Variants in ROBO2 observed in about 807,000 individuals in gnomAD.
ROBO2 encodes the protein roundabout homolog 2.
A neutral mutation model predicts 160.8 loss-of-function variants in ROBO2; 53 were observed. That is an observed-to-expected ratio of 0.33 (90% CI 0.26 to 0.41). The LOEUF is 0.41. Ranked by LOEUF, ROBO2 falls within the 10% of genes least tolerant of loss-of-function variation. The pLI, the probability that ROBO2 is intolerant of heterozygous loss-of-function variation, is 1.00. For synonymous variants in ROBO2, 664 were observed against 611.7 expected (o/e 1.09, Z -1.26); for missense variants, 1,577 against 1,722.4 (o/e 0.92, Z 1.49).
chr3:77,314,751 T>A (rs1011585462), intron 2 of ROBO2, among the ~76,000 whole-genome samples: 4 of 152,168 alleles, frequency 2.6e-5, no homozygotes, highest in African/African-American at 9.7e-5. Flanking sequence ...ATCAAGCCAT[T>A]GAGGATGGGA....
At chr3:76,563,646 C>T (rs2084336611) in intron 2 of ROBO2, among the ~76,000 whole-genome samples, 1 of 151,972 alleles carries the variant, frequency 6.6e-6, no homozygotes, top group African/African-American at 2.4e-5. Flanking sequence ...TGTAATGTGC[C>T]TGCATCAATT....
At chr3:76,351,614 C>G (rs1442470021) in intron 2 of ROBO2, among the ~76,000 whole-genome samples, 3 of 151,990 alleles carry the variant, frequency 2.0e-5, no homozygotes, top group Admixed American at 6.6e-5. Flanking sequence ...AGTGTTTCAA[C>G]TGAGAACATC....
chr3:77,104,762 C>T (rs908593849), intron 2 of ROBO2, among the ~76,000 whole-genome samples: 1 of 152,096 alleles, frequency 6.6e-6, no homozygotes, highest in Non-Finnish European at 1.5e-5. Flanking sequence ...ACTGTTTTAT[C>T]CATATTATTA....
intron 2 of ROBO2, among the ~76,000 whole-genome samples, chr3:77,123,586 C>T (rs2074993229): frequency 6.6e-6 from 1 of 151,804 alleles, no homozygotes; most frequent in South Asian, 2.1e-4. Context: ...TGCTTGCACA[C>T]TAATTTGAAA....
At position 77,152,104 on chromosome 3, in the gene ROBO2, C is replaced by T. The variant is rs968693907; in HGVS notation, c.388+53764C>T. Among the ~76,000 whole-genome samples the T allele has an allele frequency of 3.3e-5, 5 of 152,248 alleles. No individual in the cohort carries two copies. The South Asian group carries it at 1.0e-3, about 31-fold the overall frequency. ...CTCAATGTATTCATTCAGCAGAGTA[C>T]ATTTATGCTACAACTATGGACTACC... On this transcript the variant is annotated intron_variant, in intron 2 of 25. Transcript: ENST00000461745.
intron 2 of ROBO2, among the ~76,000 whole-genome samples, chr3:76,872,028 T>A (rs1176047726): frequency 1.3e-5 from 2 of 152,194 alleles, no homozygotes; most frequent in African/African-American, 4.8e-5. Flanking sequence ...ACCTGGAGAT[T>A]TGTCATAAAT....
At chr3:76,779,143 C>A (rs1363500471) in intron 2 of ROBO2, among the ~76,000 whole-genome samples, 1 of 150,998 alleles carries the variant, frequency 6.6e-6, no homozygotes, top group Non-Finnish European at 1.5e-5. Flanking sequence ...TCTTCATTGG[C>A]ACATATTATT....
intron 2 of ROBO2, among the ~76,000 whole-genome samples, chr3:76,488,157 G>A (rs141773370): frequency 5.7e-4 from 87 of 152,214 alleles, no homozygotes; most frequent in African/African-American, 1.9e-3. Context: ...CAAATGACCC[G>A]AATTAGCAGC....
intron 2 of ROBO2, among the ~76,000 whole-genome samples, chr3:76,517,344 A>G (rs982877614): frequency 1.3e-5 from 2 of 150,328 alleles, no homozygotes; most frequent in Non-Finnish European, 3.0e-5. Flanking sequence ...TTAGAGTGAC[A>G]ATTTGTTAAG....
chr3:76,227,131 G>A (rs1575988042), intron 2 of ROBO2, among the ~76,000 whole-genome samples: 1 of 152,326 alleles, frequency 6.6e-6, no homozygotes, highest in African/African-American at 2.4e-5. Context: ...TTCATAAAAT[G>A]TGGTAATTCC....
intron 2 of ROBO2, among the ~76,000 whole-genome samples, chr3:76,038,767 CGTGT>C (rs66489028): frequency 0.54 from 79,722 of 148,186 alleles, 21,511 homozygotes; most frequent in South Asian, 0.67. Context: ...TGGAAAACTG[CGTGT>C]GTGTGTGTGT....
chr3:76,256,341 C>CA lies in ROBO2; in HGVS notation c.109+318739_109+318740insA, dbSNP rs1214774626. 5.2e-3 allele frequency among the ~76,000 whole-genome samples: 487 copies of CA among 94,016 alleles called. 1 individual carries two copies. The highest frequency in any genetic ancestry group is 0.01 in the African/African-American group (311 of 29,970). The allele number at this position is 94,016 out of a possible 152,430, so 61.7% of individuals were successfully genotyped here. A position where few individuals can be genotyped will look rare whatever the true frequency, so the allele number is the denominator to read the frequency against. On this transcript the variant is annotated intron_variant, in intron 2 of 26. Coordinates refer to the ROBO2 transcript ENST00000487694. Reference sequence around the variant, plus strand: ...TCTCTCTCTCTCTCTCTCTCTCTCTCTCTCTCTCTCTCACATACACACACA... The same window carrying CA: ...TCTCTCTCTCTCTCTCTCTCTCTCTCATCTCTCTCTCTCACATACACACACA...
chr3:76,690,132 C>T (rs1451053612), intron 2 of ROBO2, among the ~76,000 whole-genome samples: 1 of 152,020 alleles, frequency 6.6e-6, no homozygotes, highest in Admixed American at 6.6e-5. Context: ...AGTATGGAAA[C>T]ATTTTCTAAT....
In ROBO2 at chr3:76,868,296, A is replaced by G. The variant is rs565458492; in HGVS notation, c.110-229718A>G. Among the ~76,000 whole-genome samples the G allele has an allele frequency of 4.3e-4, 66 of 152,238 alleles. 1 individual carries two copies. The South Asian group carries it at 0.013, about 29-fold the overall frequency. ...TGTGTAATCTGTCTACCCAGTGACT[A>G]TGCTCTTTTAAATAATTTTTTCTCT... is the stretch of plus-strand genomic sequence containing the variant. On this transcript the variant is annotated intron_variant, in intron 2 of 26. Transcript: ENST00000487694.
At chr3:76,361,712 C>G (rs2075532907) in intron 2 of ROBO2, among the ~76,000 whole-genome samples, 1 of 151,986 alleles carries the variant, frequency 6.6e-6, no homozygotes, top group Non-Finnish European at 1.5e-5. Context: ...AGCCCAACTC[C>G]TAAACTAGTA....
In ROBO2 at chr3:77,040,676, C is replaced by G. The variant is rs542668375; in HGVS notation, c.-110C>G. 1.1e-5 allele frequency: 18 copies of G among 1,597,602 alleles called. No individual in the cohort carries two copies. The highest frequency in any genetic ancestry group is 2.2e-4 in the Middle Eastern group (1 of 4,582). On this transcript the variant is annotated 5_prime_UTR_variant, in exon 1 of 26. It adds an upstream start codon to the 5' untranslated region. Transcript: ENST00000461745. ...TGCTCTTCTTGACTTTAATTAGTAT[C>G]TAGGAAAGTCTAAACTTTGGACCTA... is the stretch of plus-strand genomic sequence containing the variant.
At chr3:76,190,534 T>A (rs35542171) in intron 2 of ROBO2, among the ~76,000 whole-genome samples, 48,082 of 151,942 alleles carry the variant, frequency 0.32, 8,892 homozygotes, top group Non-Finnish European at 0.41. Flanking sequence ...ATGCTTTAAA[T>A]TATTTAAAAT....
intron 2 of ROBO2, among the ~76,000 whole-genome samples, chr3:77,396,479 C>T (rs545105538): frequency 2.6e-5 from 4 of 152,202 alleles, no homozygotes; most frequent in Middle Eastern, 6.8e-3. Context: ...AGCTGTCGTA[C>T]TCTTGTAGTT....
chr3:77,563,322 G>A lies in ROBO2; in HGVS notation c.1675G>A (p.Ala559Thr), dbSNP rs919345754. Residue 559 changes from alanine to threonine, a missense_variant, in exon 11 of 26, where the codon GCT (alanine) becomes ACT (threonine). Physicochemically the swap from Ala to Thr is moderately conservative, Grantham distance 58 (BLOSUM62 0). Around this residue, in one of 2 missense-constraint regions of ROBO2, gnomAD observed 940 missense variants for 1,135.5 expected, o/e 0.83. Coordinates refer to ENST00000461745, the Ensembl canonical transcript of ROBO2. The stretch of plus-strand genomic sequence containing the variant: ...TCCAGCAAGTGCATATATCATTGAG[G>A]CTTTCAGGTATGGGACAATTCCTTC... 9.3e-6 allele frequency: 15 copies of A among 1,613,232 alleles called. No homozygotes were observed. Among genetic ancestry groups the A allele is most frequent in the Non-Finnish European group, 1.3e-5 (15 of 1,179,558 alleles).
Sources: allele counts gnomAD v4.1 joint callset (sites outside exome capture counted in the v4.1 genomes callset), GRCh38; gene constraint gnomAD v4.1.1; regional missense constraint gnomAD v4.1.1; transcripts MANE v1.5; gene names NCBI Gene and HGNC (gene_info 2026-07-23, HGNC 2026-07-21).